SIK3: variants seen among roughly 807,000 people sequenced by gnomAD.
SIK3 encodes the protein serine/threonine-protein kinase SIK3.
A neutral mutation model predicts 144.2 loss-of-function variants in SIK3; 28 were observed. The observed-to-expected ratio is 0.19, with a 90% CI of 0.14 to 0.27. The LOEUF is 0.27. Among genes scored for constraint, SIK3 ranks in the 10% least tolerant of loss-of-function variants. The probability of loss-of-function intolerance (pLI) is 1.00; values close to 1 mark genes in which losing one functional copy is unlikely to be tolerated. For synonymous variants in SIK3, 686 were observed against 676.3 expected (o/e 1.01, Z -0.22); for missense variants, 1,319 against 1,776.0 (o/e 0.74, Z 4.62).
intron 1 of SIK3, among the ~76,000 whole-genome samples, chr11:117,052,600 C>T (rs1036162364): frequency 1.3e-5 from 2 of 152,208 alleles, no homozygotes; most frequent in Non-Finnish European, 2.9e-5. Context: ...GCAGAAACAG[C>T]TCTCTTTATT....
At chr11:116,866,837 T>C (rs763346779) in intron 15 of SIK3, among the ~76,000 whole-genome samples, 13 of 152,202 alleles carry the variant, frequency 8.5e-5, no homozygotes, top group African/African-American at 2.4e-4. Context: ...TATTTGAGAA[T>C]TGTCATTCTT....
intron 6 of SIK3, among the ~76,000 whole-genome samples, chr11:116,886,712 C>A (rs1424148205): frequency 6.6e-6 from 1 of 151,834 alleles, no homozygotes; most frequent in Non-Finnish European, 1.5e-5. Context: ...GCAGGTGGTA[C>A]AACAGGGGAA....
At chr11:116,870,148 A>G (rs2134501725) in intron 14 of SIK3, 183 bp downstream of exon 14, 11 of 1,532,594 alleles carry the variant, frequency 7.2e-6, no homozygotes, top group Non-Finnish European at 9.6e-6. Flanking sequence ...TACAGAAATG[A>G]CATTTTCTGG....
intron 1 of SIK3, among the ~76,000 whole-genome samples, chr11:117,027,868 A>G (rs185093714): frequency 6.6e-6 from 1 of 152,208 alleles, no homozygotes; most frequent in South Asian, 2.1e-4. Flanking sequence ...CAACAATGGC[A>G]ACCAAATTAT....
chr11:117,050,244 G>A (rs1332083098), intron 1 of SIK3, among the ~76,000 whole-genome samples: 1 of 149,576 alleles, frequency 6.7e-6, no homozygotes, highest in African/African-American at 2.4e-5. Flanking sequence ...AGCTGAGATC[G>A]CGCCATTGCA....
At chr11:117,058,929 A>C (rs2135946353) in intron 1 of SIK3, among the ~76,000 whole-genome samples, 1 of 152,360 alleles carries the variant, frequency 6.6e-6, no homozygotes, top group South Asian at 2.1e-4. Context: ...ATGCAGGAGA[A>C]CTGCGGATAC....
chr11:116,898,610 A>G (rs1162815624), intron 4 of SIK3, among the ~76,000 whole-genome samples: 4 of 151,156 alleles, frequency 2.6e-5, no homozygotes, highest in Non-Finnish European at 5.9e-5. Context: ...AAGTGTTCCT[A>G]TTTCTCCACA....
At chr11:116,999,282 C>T (rs1206904075) in intron 1 of SIK3, among the ~76,000 whole-genome samples, 1 of 152,162 alleles carries the variant, frequency 6.6e-6, no homozygotes, top group African/African-American at 2.4e-5. Flanking sequence ...CTAAGTTGTA[C>T]TAACAGAACA....
At chr11:116,975,764 A>T (rs1052073850) in intron 1 of SIK3, among the ~76,000 whole-genome samples, 3 of 152,274 alleles carry the variant, frequency 2.0e-5, no homozygotes, top group Non-Finnish European at 4.4e-5. Context: ...CACTTTTAAC[A>T]TTTTTTGGAA....
chr11:116,977,332 C>T (rs1253671017), intron 1 of SIK3, among the ~76,000 whole-genome samples: 1 of 151,162 alleles, frequency 6.6e-6, no homozygotes, highest in Non-Finnish European at 1.5e-5. Context: ...CCTCCCTCCT[C>T]AGTCCCACAA....
At chr11:116,967,851 C>T (rs1184695436) in intron 1 of SIK3, among the ~76,000 whole-genome samples, 1 of 152,162 alleles carries the variant, frequency 6.6e-6, no homozygotes, top group Non-Finnish European at 1.5e-5. Flanking sequence ...GAACATGGCA[C>T]CAACTACCTT....
Position 116,896,288 on chromosome 11 carries a change from C to T in SIK3, c.830G>A (p.Ser277Asn), listed in dbSNP as rs1404573553. ...AAAAAATGGGATGCGGAACTTTCCA[C>T]TCAGCACGCGGGCCCGCAGATTCTG... ...TLQNLRARVL[S>N]GKFRIPFFMS... is the part of the protein sequence containing the mutation. The change falls in exon 6 of 25, where the codon AGT becomes AAT. Residue 277 changes from serine (S) to asparagine (N), a missense_variant. Physicochemically the swap from Ser to Asn is conservative, Grantham distance 46. Around this residue, in one of 8 missense-constraint regions of SIK3, gnomAD observed 125 missense variants for 285.2 expected, o/e 0.44. Coordinates refer to ENST00000445177, the MANE Select transcript of SIK3 (RefSeq NM_001366686.3). 3 of 1,613,846 alleles carry T rather than the reference C, an allele frequency of 1.9e-6. No individual in the cohort carries two copies. The highest frequency in any genetic ancestry group is 1.3e-5 in the African/African-American group (1 of 74,930).
chr11:117,019,796 G>A (rs901597589), intron 1 of SIK3, among the ~76,000 whole-genome samples: 1 of 151,822 alleles, frequency 6.6e-6, no homozygotes, highest in African/African-American at 2.4e-5. Context: ...GTATTTTTTA[G>A]TACAGACGGG....
chr11:117,016,188 T>C (rs982837459), intron 1 of SIK3, among the ~76,000 whole-genome samples: 4 of 151,522 alleles, frequency 2.6e-5, no homozygotes, highest in African/African-American at 4.9e-5. Flanking sequence ...TAGCCTAGTG[T>C]AATGGTGTAT....
At chr11:116,945,581 C>A (rs1467491702) in intron 3 of SIK3, among the ~76,000 whole-genome samples, 2 of 151,830 alleles carry the variant, frequency 1.3e-5, no homozygotes, top group Admixed American at 6.6e-5. Context: ...CCTTCCCAAC[C>A]CACTTCAGCC....
chr11:116,911,250 G>C (rs894682636), intron 4 of SIK3, among the ~76,000 whole-genome samples: 1 of 152,370 alleles, frequency 6.6e-6, no homozygotes, highest in East Asian at 1.9e-4. Flanking sequence ...GCTCATGCCT[G>C]TAATCCCAGC....
chr11:117,018,964 G>A (rs190394332), intron 1 of SIK3, among the ~76,000 whole-genome samples: 130 of 151,870 alleles, frequency 8.6e-4, no homozygotes, highest in African/African-American at 2.8e-3. Flanking sequence ...CACCCGCCTT[G>A]GCCTCCCAAA....
In SIK3 at chr11:116,875,923, G is replaced by A. The variant is rs200445962; in HGVS notation, c.1182C>T (p.Leu394=). 35 of 1,612,966 alleles carry A rather than the reference G, an allele frequency of 2.2e-5. No individual in the cohort carries two copies. Among genetic ancestry groups the A allele is most frequent in the African/African-American group, 2.7e-5 (2 of 74,798 alleles). ...CTCGGGGCATGCTAGGAAGTGCTCC[G>A]AGACGCAGGGTTTTATGTCTCTTAT... The part of the protein sequence containing the change: ...DRHKRHKTLR[L]GALPSMPRAL... The change falls in exon 9 of 25, where the codon CTC becomes CTT. Residue 394 remains leucine (L), a synonymous_variant. Transcript: ENST00000445177.
intron 3 of SIK3, among the ~76,000 whole-genome samples, chr11:116,947,518 AAT>A (rs139398268): frequency 2.6e-4 from 35 of 132,430 alleles, no homozygotes; most frequent in East Asian, 8.3e-4. Context: ...TAGCTAGGGA[AAT>A]ATATATATAT....
Sources: allele counts gnomAD v4.1 joint callset (sites outside exome capture counted in the v4.1 genomes callset), GRCh38; gene constraint gnomAD v4.1.1; regional missense constraint gnomAD v4.1.1; transcripts MANE v1.5; gene names NCBI Gene and HGNC (gene_info 2026-07-23, HGNC 2026-07-21).